Variants in ELOVL5 observed in about 807,000 individuals in gnomAD.
ELOVL5 encodes very long chain fatty acid elongase 5.
In ELOVL5, 8 loss-of-function variants were observed where a neutral mutation model predicts 38.6. The observed-to-expected ratio is 0.21, with a 90% CI of 0.12 to 0.37. The LOEUF is 0.37. Ranked by LOEUF, ELOVL5 falls within the 10% of genes least tolerant of loss-of-function variation. The probability of loss-of-function intolerance (pLI) is 1.00; values close to 1 mark genes in which losing one functional copy is unlikely to be tolerated. For synonymous variants in ELOVL5, 127 were observed against 133.7 expected (o/e 0.95, Z 0.34); for missense variants, 280 against 367.8 (o/e 0.76, Z 1.95).
intron 3 of ELOVL5, among the ~76,000 whole-genome samples, chr6:53,285,868 A>G (rs1766549695): frequency 6.6e-6 from 1 of 152,176 alleles, no homozygotes; most frequent in Non-Finnish European, 1.5e-5. Flanking sequence ...GGCCTCTCAA[A>G]GTGCTAGGAT....
chr6:53,347,714 G>A (rs1052137508), intron 1 of ELOVL5, among the ~76,000 whole-genome samples: 1 of 152,172 alleles, frequency 6.6e-6, no homozygotes, highest in Non-Finnish European at 1.5e-5. Context: ...TCTTCCGAAA[G>A]AGACCCCCCG....
At chr6:53,305,924 G>C (rs1281072980) in intron 1 of ELOVL5, among the ~76,000 whole-genome samples, 2 of 152,068 alleles carry the variant, frequency 1.3e-5, no homozygotes, top group Non-Finnish European at 2.9e-5. Flanking sequence ...ATTGAGCACT[G>C]AGTTAACGAG....
chr6:53,324,333 A>C (rs935058930), intron 1 of ELOVL5, among the ~76,000 whole-genome samples: 1 of 151,994 alleles, frequency 6.6e-6, no homozygotes, highest in Non-Finnish European at 1.5e-5. Flanking sequence ...TGATTACATA[A>C]GTTTATATAA....
intron 1 of ELOVL5, among the ~76,000 whole-genome samples, chr6:53,328,209 G>A (rs1035156893): frequency 2.5e-4 from 38 of 152,070 alleles, no homozygotes; most frequent in African/African-American, 7.5e-4. Flanking sequence ...AAACTGAAAT[G>A]AAAAACTAAA....
At chr6:53,309,813 C>A (rs1184283546) in intron 1 of ELOVL5, among the ~76,000 whole-genome samples, 1 of 152,142 alleles carries the variant, frequency 6.6e-6, no homozygotes, top group Non-Finnish European at 1.5e-5. Flanking sequence ...AGGCCACCTG[C>A]CAACAGCCAC....
At chr6:53,329,335 T>A (rs542551259) in intron 1 of ELOVL5, among the ~76,000 whole-genome samples, 2 of 152,332 alleles carry the variant, frequency 1.3e-5, no homozygotes, top group Non-Finnish European at 2.9e-5. Flanking sequence ...TAGTTATTTT[T>A]AAATGTTTTC....
At chr6:53,299,418 A>T (rs1030703005) in intron 1 of ELOVL5, among the ~76,000 whole-genome samples, 4 of 152,222 alleles carry the variant, frequency 2.6e-5, no homozygotes, top group African/African-American at 9.6e-5. Context: ...TTGGTGGGGC[A>T]GGAATGGAGA....
At chr6:53,276,346 T>C in intron 3 of ELOVL5, 90 bp from the exon 4 acceptor site, 1 of 891,148 alleles carries the variant, frequency 1.1e-6, no homozygotes, top group Non-Finnish European at 1.9e-6. Context: ...CTGTGATAAT[T>C]TACCTTGGGC....
At chr6:53,279,176 C>T (rs150007334) in intron 3 of ELOVL5, among the ~76,000 whole-genome samples, 1 of 152,268 alleles carries the variant, frequency 6.6e-6, no homozygotes, top group African/African-American at 2.4e-5. Context: ...ATAAGGCTCC[C>T]ACCATGAAGT....
chr6:53,292,035 A>G, intron 2 of ELOVL5, 72 bp from the exon 3 acceptor site: 1 of 998,860 alleles, frequency 1.0e-6, no homozygotes, highest in Non-Finnish European at 1.4e-6. Context: ...AAATTTCTCT[A>G]ACCATGATGA....
At position 53,276,162 on chromosome 6, in the gene ELOVL5, T is replaced by C; in HGVS notation, c.324+17A>G. The C allele has an allele frequency of 1.3e-6, 2 of 1,575,154 alleles. No homozygotes were observed. The highest frequency in any genetic ancestry group is 1.7e-6 in the Non-Finnish European group (2 of 1,150,572). On this transcript the variant is annotated intron_variant, in intron 4 of 7. Coordinates refer to ENST00000304434, the MANE Select transcript of ELOVL5 (RefSeq NM_021814.5). Reference sequence around the variant, plus strand: ...TCAACACTTATAATAATAAAGTTTCTGAAAAAGAGACAGTACCTTCATATC... The same window carrying C: ...TCAACACTTATAATAATAAAGTTTCCGAAAAAGAGACAGTACCTTCATATC...
chr6:53,328,310 T>A (rs1768637429), intron 1 of ELOVL5, among the ~76,000 whole-genome samples: 1 of 151,928 alleles, frequency 6.6e-6, no homozygotes. Context: ...GCAAAATATA[T>A]CCCATTAAAA....
At chr6:53,303,508 G>A (rs1382413857) in intron 1 of ELOVL5, among the ~76,000 whole-genome samples, 1 of 152,118 alleles carries the variant, frequency 6.6e-6, no homozygotes, top group Non-Finnish European at 1.5e-5. Flanking sequence ...CTCTGATAAA[G>A]TCATTTTTCC....
intron 3 of ELOVL5, among the ~76,000 whole-genome samples, chr6:53,279,666 T>C (rs1249315986): frequency 2.0e-5 from 3 of 152,230 alleles, no homozygotes; most frequent in Admixed American, 6.5e-5. Context: ...GAGAGCTTCA[T>C]AGTATTTTAA....
chr6:53,310,368 G>T (rs1407041113), intron 1 of ELOVL5, among the ~76,000 whole-genome samples: 2 of 152,164 alleles, frequency 1.3e-5, no homozygotes, highest in African/African-American at 4.8e-5. Flanking sequence ...AAAGTTCAGA[G>T]ATCTTAAGTA....
chr6:53,317,732 C>T (rs187265399), intron 1 of ELOVL5, among the ~76,000 whole-genome samples: 60 of 150,294 alleles, frequency 4.0e-4, no homozygotes, highest in African/African-American at 1.4e-3. Flanking sequence ...CAGCATGGCA[C>T]GTGTATACAT....
chr6:53,344,113 T>C (rs181221684), intron 1 of ELOVL5, among the ~76,000 whole-genome samples: 27 of 152,388 alleles, frequency 1.8e-4, no homozygotes, highest in African/African-American at 4.6e-4. Context: ...AGAAACATGT[T>C]CTTGCAGAAA....
chr6:53,321,032 C>A (rs145189218), intron 1 of ELOVL5, among the ~76,000 whole-genome samples: 1 of 152,120 alleles, frequency 6.6e-6, no homozygotes, highest in African/African-American at 2.4e-5. Context: ...CAACAGCCAA[C>A]TGAATCCTTC....
At chr6:53,286,157 G>A (rs1766561730) in intron 3 of ELOVL5, among the ~76,000 whole-genome samples, 2 of 152,166 alleles carry the variant, frequency 1.3e-5, no homozygotes, top group South Asian at 2.1e-4. Flanking sequence ...AGAGACTGTC[G>A]GATTCAGTCA....
Sources: gnomAD v4.1 joint callset for allele counts (sites outside exome capture counted in the v4.1 genomes callset) on GRCh38, gnomAD v4.1.1 for gene constraint, MANE v1.5 for transcripts, NCBI Gene and HGNC (gene_info 2026-07-23, HGNC 2026-07-21) for gene names.